Variants in LRP2 observed in about 807,000 individuals in gnomAD.
LRP2 encodes low-density lipoprotein receptor-related protein 2.
LRP2 carries 172 observed loss-of-function variants against 531.0 expected under a neutral mutation model. That is an observed-to-expected ratio of 0.32 (90% CI 0.29 to 0.37). LRP2 has a LOEUF of 0.37. Among genes scored for constraint, LRP2 ranks in the 10% least tolerant of loss-of-function variants. LRP2 has a pLI of 1.00. For missense variants in LRP2, 5,167 were observed against 5,868.3 expected (o/e 0.88, Z 3.90); for synonymous variants, 1,992 against 2,027.6 (o/e 0.98, Z 0.47).
At chr2:169,280,635 T>A in intron 10 of LRP2, 116 bp from the exon 11 acceptor site, 1 of 1,049,448 alleles carries the variant, frequency 9.5e-7, no homozygotes, top group Non-Finnish European at 1.4e-6. Flanking sequence ...TTGTCTTACC[T>A]GATTTTAACA....
intron 76 of LRP2, among the ~76,000 whole-genome samples, chr2:169,135,753 T>C (rs1574060234): frequency 6.6e-6 from 1 of 152,306 alleles, no homozygotes; most frequent in East Asian, 1.9e-4. Context: ...TAGACGCTCC[T>C]TTTTATTAAG....
intron 8 of LRP2, among the ~76,000 whole-genome samples, chr2:169,289,882 A>G (rs1243257892): frequency 1.3e-5 from 2 of 150,302 alleles, no homozygotes; most frequent in African/African-American, 2.4e-5. Flanking sequence ...CCCAAATGAA[A>G]TAGAGAAAAA....
chr2:169,259,608 C>T (rs896661749), intron 16 of LRP2, among the ~76,000 whole-genome samples: 6 of 151,962 alleles, frequency 3.9e-5, no homozygotes, highest in Non-Finnish European at 7.4e-5. Context: ...CCACCAGGTA[C>T]GACCTGAGGG....
At position 169,146,905 on chromosome 2, in the gene LRP2, C is replaced by T; in HGVS notation, c.12645G>A (p.Met4215Ile). Residue 4215 changes from methionine to isoleucine, a missense_variant, in exon 69 of 79, where the codon ATG becomes ATA. Transcript: ENST00000649046. ...CCAGGATGTTGCGGTCCTCTCCATTCATCCAGGCAGACTCGATTTTAGGTT... is the reference window on the plus strand; with the variant it reads ...CCAGGATGTTGCGGTCCTCTCCATTTATCCAGGCAGACTCGATTTTAGGTT... ...GKEPKIESAW[M>I]NGEDRNILVF... 6.2e-7 allele frequency: 1 copy of T among 1,614,110 alleles called. No homozygotes were observed. The highest frequency in any genetic ancestry group is 8.5e-7 in the Non-Finnish European group (1 of 1,180,012).
At chr2:169,207,820 G>A (rs1453288009) in intron 38 of LRP2, among the ~76,000 whole-genome samples, 5 of 152,138 alleles carry the variant, frequency 3.3e-5, no homozygotes, top group African/African-American at 1.2e-4. Context: ...TGGGCCTTAT[G>A]TACATGCTAG....
At chr2:169,264,896 G>A (rs1400378633) in intron 16 of LRP2, among the ~76,000 whole-genome samples, 1 of 151,990 alleles carries the variant, frequency 6.6e-6, no homozygotes, top group Non-Finnish European at 1.5e-5. Flanking sequence ...AAGCAGAATG[G>A]CTATGGGTTC....
In LRP2 at chr2:169,285,154, A is replaced by T. The variant is rs112156352; in HGVS notation, c.1043-2153T>A. 9.7e-3 allele frequency among the ~76,000 whole-genome samples: 387 copies of T among 39,816 alleles called. 2 individuals are homozygous for T. Among genetic ancestry groups the T allele is most frequent in the Non-Finnish European group, 0.013 (290 of 22,662 alleles). 26.1% of individuals were successfully genotyped at this position (39,816 alleles called of 152,430 possible). A position where few individuals can be genotyped will look rare whatever the true frequency, so the allele number is the denominator to read the frequency against. ...CAAGGGTTTATGTGTACTAAGAATTAAAAAAAAAAAAAAAAAAATTAGCCA... is the reference window on the plus strand; with the variant it reads ...CAAGGGTTTATGTGTACTAAGAATTTAAAAAAAAAAAAAAAAAATTAGCCA... On this transcript the variant is annotated intron_variant, in intron 9 of 78. Transcript: ENST00000649046.
At position 169,162,542 on chromosome 2, in the gene LRP2, A is replaced by G. The variant is rs1686627622; in HGVS notation, c.11817T>C (p.His3939=). The G allele has an allele frequency of 4.3e-6, 7 of 1,614,216 alleles. No individual in the cohort carries two copies. The highest frequency in any genetic ancestry group is 5.1e-6 in the Non-Finnish European group (6 of 1,179,992). ...CACACACATTGTCATGTGGAATGCA[A>G]TGCCCATTGCCACACTTATATTCAT... ...TEYEYKCGNG[H]CIPHDNVCDD... is the part of the protein sequence containing the mutation. Residue 3939 remains histidine (H), a synonymous_variant, in exon 63 of 79, where the codon CAT becomes CAC. Coordinates refer to ENST00000649046, the MANE Select transcript of LRP2 (RefSeq NM_004525.3).
intron 63 of LRP2, among the ~76,000 whole-genome samples, chr2:169,159,602 T>A (rs1191643375): frequency 6.6e-6 from 1 of 152,156 alleles, no homozygotes; most frequent in Admixed American, 6.5e-5. Context: ...GAGTTTTGTG[T>A]CTTTCTAAGA....
At chr2:169,137,741 C>A (rs1407004014) in intron 75 of LRP2, among the ~76,000 whole-genome samples, 3 of 149,572 alleles carry the variant, frequency 2.0e-5, no homozygotes, top group Non-Finnish European at 4.4e-5. Flanking sequence ...AATTTACCAA[C>A]TCAAGGAAAT....
In LRP2 at chr2:169,128,550, A is replaced by G. The variant is rs1427543773; in HGVS notation, c.*113T>C. 1.1e-5 allele frequency: 12 copies of G among 1,088,466 alleles called. No individual in the cohort carries two copies. The highest frequency in any genetic ancestry group is 1.4e-5 in the Non-Finnish European group (10 of 720,562). 67.4% of individuals were successfully genotyped at this position (1,088,466 alleles called of 1,614,324 possible). On this transcript the variant is annotated 3_prime_UTR_variant, in exon 79 of 79. Transcript: ENST00000649046. ...AGGATACCTCCAACTATAGGCAAAC[A>G]GGGAAAAATATATTTTTTTCATAAA...
chr2:169,235,984 A>G lies in LRP2; in HGVS notation c.4776T>C (p.Ile1592=), dbSNP rs748278367. Residue 1592 remains isoleucine (I), a synonymous_variant, in exon 29 of 79, where the codon ATT becomes ATC. Transcript: ENST00000649046. ...AGGGCCAGAAGATCTTGTCCTGGAC[A>G]ATGACAGTGCGCATGCTGCCGTCCA... ...ASMDGSMRTV[I]VQDKIFWPCG... is the part of the protein sequence containing the mutation. 6 of 1,614,114 alleles carry G rather than the reference A, an allele frequency of 3.7e-6. No individual in the cohort carries two copies. The highest frequency in any genetic ancestry group is 2.2e-5 in the South Asian group (2 of 91,090).
At chr2:169,181,710 C>A in intron 51 of LRP2, 92 bp from the exon 52 acceptor site, 3 of 873,314 alleles carry the variant, frequency 3.4e-6, no homozygotes, top group South Asian at 1.5e-5. Flanking sequence ...GAAATGGAGT[C>A]TGCATTCTGT....
chr2:169,161,263 T>A (rs1177085590), intron 63 of LRP2, among the ~76,000 whole-genome samples: 1 of 152,104 alleles, frequency 6.6e-6, no homozygotes, highest in Non-Finnish European at 1.5e-5. Flanking sequence ...ACATAGACAA[T>A]AACAGCAACT....
chr2:169,235,898 T>A lies in LRP2; in HGVS notation c.4862A>T (p.Tyr1621Phe). ...TCCATTATAATCACAAAAGTCCATG[T>A]AATCAAGATAGGAGTCCATGAAGTA... ...LLYFMDSYLD[Y>F]MDFCDYNGHH... The change falls in exon 29 of 79, where the codon TAC (tyrosine) becomes TTC (phenylalanine). Residue 1621 changes from tyrosine (Y) to phenylalanine (F), a missense_variant. By Grantham distance (22) the Tyr-to-Phe change is conservative. Coordinates refer to ENST00000649046, the MANE Select transcript of LRP2 (RefSeq NM_004525.3). 4 of 1,614,222 alleles carry A rather than the reference T, an allele frequency of 2.5e-6. No individual in the cohort carries two copies. The highest frequency in any genetic ancestry group is 3.4e-6 in the Non-Finnish European group (4 of 1,180,020).
At chr2:169,183,407 G>C (rs1574106508) in intron 50 of LRP2, among the ~76,000 whole-genome samples, 1 of 152,160 alleles carries the variant, frequency 6.6e-6, no homozygotes, top group African/African-American at 2.4e-5. Context: ...TAAGAACAGT[G>C]AGAATAATAG....
At chr2:169,255,344 TCATGGTAC>T (rs1364216653) in intron 19 of LRP2, among the ~76,000 whole-genome samples, 13 of 152,166 alleles carry the variant, frequency 8.5e-5, no homozygotes, top group African/African-American at 3.1e-4. Context: ...ACCACCTGTT[TCATGGTAC>T]CAGGCTACAT....
intron 43 of LRP2, 81 bp downstream of exon 43, chr2:169,202,675 A>G: frequency 6.4e-6 from 9 of 1,406,968 alleles, no homozygotes; most frequent in Non-Finnish European, 8.1e-6. Context: ...AAACACATTC[A>G]CACATAGCAG....
At chr2:169,170,297 C>T (rs1686947621) in intron 59 of LRP2, among the ~76,000 whole-genome samples, 1 of 152,062 alleles carries the variant, frequency 6.6e-6, no homozygotes, top group Admixed American at 6.5e-5. Context: ...AAATCTGCTC[C>T]TAAGAAGTGT....
Sources: gnomAD v4.1 joint callset for allele counts (sites outside exome capture counted in the v4.1 genomes callset) on GRCh38, gnomAD v4.1.1 for gene constraint, MANE v1.5 for transcripts, NCBI Gene and HGNC (gene_info 2026-07-23, HGNC 2026-07-21) for gene names.